The following NUGGC variants were observed in gnomAD, a reference collection of about 807,000 sequenced individuals.
NUGGC encodes the protein nuclear GTPase SLIP-GC.
In NUGGC, 58 loss-of-function variants were observed where a neutral mutation model predicts 92.6. That is an observed-to-expected ratio of 0.63 (90% confidence interval 0.51 to 0.78). The LOEUF (loss-of-function observed/expected upper bound fraction) is 0.78, where lower values mean the gene tolerates loss of function less well. Ranked by LOEUF, NUGGC falls within the 30% of genes least tolerant of loss-of-function variation. NUGGC has a pLI of 0.00. For missense variants in NUGGC, 925 were observed against 964.6 expected (o/e 0.96, Z 0.54); for synonymous variants, 376 against 366.4 (o/e 1.03, Z -0.30).
intron 16 of NUGGC, 78 bp downstream of exon 16, chr8:28,030,232 G>A (rs1809380264): frequency 1.3e-6 from 1 of 780,566 alleles, no homozygotes; most frequent in East Asian, 2.7e-5. Context: ...GCCTTTGAGG[G>A]AGCCGCAGAA....
At chr8:28,072,357 T>C (rs1006260796) in intron 2 of NUGGC, among the ~76,000 whole-genome samples, 1 of 152,214 alleles carries the variant, frequency 6.6e-6, no homozygotes, top group Non-Finnish European at 1.5e-5. Flanking sequence ...GTCAGGCCCC[T>C]AGGCCAGCTA....
intron 4 of NUGGC, 97 bp downstream of exon 4, chr8:28,069,446 TA>T: frequency 1.5e-6 from 1 of 652,364 alleles, no homozygotes; most frequent in Admixed American, 2.7e-5. Context: ...TCTTAGTTTC[TA>T]ATTAAATAGT....
Position 28,029,282 on chromosome 8 carries a change from T to C in NUGGC, c.2138A>G (p.Gln713Arg), listed in dbSNP as rs747619885. ...ATAGAGTACCTTCAGCTGCTGAAAC[T>C]GGTGCTGCATCCTTTCCTGGGCCCT... ...FERAQERMQH[Q>R]FQQLKTGIVE... is the part of the protein sequence containing the mutation. The change falls in exon 17 of 19, where the codon CAG becomes CGG. Residue 713 changes from glutamine (Q) to arginine (R), a missense_variant. Gln to Arg is a conservative substitution (Grantham distance 43). Transcript: ENST00000413272. 6.2e-7 allele frequency: 1 copy of C among 1,606,328 alleles called. No individual in the cohort carries two copies. Among genetic ancestry groups the C allele is most frequent in the Non-Finnish European group, 8.5e-7 (1 of 1,176,412 alleles).
intron 5 of NUGGC, 85 bp downstream of exon 5, chr8:28,068,131 A>G (rs903395288): frequency 2.6e-6 from 2 of 763,488 alleles, no homozygotes; most frequent in South Asian, 1.7e-5. Flanking sequence ...AGGAAGGAAG[A>G]AAGAAAGGAA....
chr8:28,027,521 T>C (rs568736040), intron 17 of NUGGC, among the ~76,000 whole-genome samples: 15 of 152,338 alleles, frequency 9.8e-5, no homozygotes, highest in African/African-American at 2.9e-4. Context: ...TCTTCCCAAC[T>C]GCCTGAGAAG....
At chr8:28,079,932 T>TTTTGTTTGTTTG (rs10689963) in intron 1 of NUGGC, among the ~76,000 whole-genome samples, 4 of 150,830 alleles carry the variant, frequency 2.7e-5, no homozygotes, top group African/African-American at 9.8e-5. Flanking sequence ...TTCTTTGTTT[T>TTTTGTTTGTTTG]TTTGTTTGTT....
At chr8:28,030,199 G>C in intron 16 of NUGGC, 111 bp downstream of exon 16, 1 of 672,236 alleles carries the variant, frequency 1.5e-6, no homozygotes. Flanking sequence ...GTGCTGCAAA[G>C]TCTTAGGGTG....
At chr8:28,069,338 G>T (rs1189155863) in intron 4 of NUGGC, among the ~76,000 whole-genome samples, 18 of 152,258 alleles carry the variant, frequency 1.2e-4, no homozygotes, top group African/African-American at 4.3e-4. Context: ...TGGGTTAAAT[G>T]ATATTTGACA....
intron 10 of NUGGC, among the ~76,000 whole-genome samples, chr8:28,055,553 C>A (rs1397568851): frequency 6.6e-6 from 1 of 152,198 alleles, no homozygotes; most frequent in East Asian, 1.9e-4. Flanking sequence ...TGAGTTAAAT[C>A]CAAACTGTCT....
At chr8:28,082,098 C>T (rs1585611575) in intron 1 of NUGGC, among the ~76,000 whole-genome samples, 1 of 152,180 alleles carries the variant, frequency 6.6e-6, no homozygotes, top group Non-Finnish European at 1.5e-5. Context: ...CACTGCTCTT[C>T]CAAACTAGGG....
intron 1 of NUGGC, among the ~76,000 whole-genome samples, chr8:28,082,932 C>T (rs1810886042): frequency 6.6e-6 from 1 of 152,136 alleles, no homozygotes; most frequent in South Asian, 2.1e-4. Flanking sequence ...CCAAAATTCA[C>T]TTAAGCAAAC....
At position 28,068,242 on chromosome 8, in the gene NUGGC, C is replaced by T; in HGVS notation, c.454G>A (p.Ala152Thr). The T allele has an allele frequency of 2.6e-6, 4 of 1,550,022 alleles. No homozygotes were observed. In the East Asian group the frequency reaches 7.3e-5, roughly 28 times the overall value. ...VSSGCCVQYE[A>T]KIHLLSDQEW... Reference sequence around the variant, plus strand: ...TGGTCAGACAGAAGGTGGATTTTGGCCTCATACTGCACACAGCAGCCAGAG... The same window carrying T: ...TGGTCAGACAGAAGGTGGATTTTGGTCTCATACTGCACACAGCAGCCAGAG... The change falls in exon 5 of 19, where the codon GCC becomes ACC. Residue 152 changes from alanine to threonine, a missense_variant. By Grantham distance (58) the Ala-to-Thr change is moderately conservative (BLOSUM62 0). Coordinates refer to ENST00000413272, the MANE Select transcript of NUGGC (RefSeq NM_001010906.2).
Position 28,060,515 on chromosome 8 carries a change from C to G in NUGGC, c.1008G>C (p.Glu336Asp). The change falls in exon 8 of 19, where the codon GAG becomes GAC. Residue 336 changes from glutamate to aspartate, a missense_variant. Glu to Asp is a conservative substitution (Grantham distance 45). Coordinates refer to ENST00000413272, the MANE Select transcript of NUGGC (RefSeq NM_001010906.2). ...AGCCCCGCTGGCAGGCTTTGATGCTCTCATTCAGAAGGTCTTCGTGGGCTT... is the reference window on the plus strand; with the variant it reads ...AGCCCCGCTGGCAGGCTTTGATGCTGTCATTCAGAAGGTCTTCGTGGGCTT... ...GGQAHEDLLN[E>D]SIKACQRGFC... 6.2e-7 allele frequency: 1 copy of G among 1,613,922 alleles called. No homozygotes were observed. Among genetic ancestry groups the G allele is most frequent in the South Asian group, 1.1e-5 (1 of 91,052 alleles).
rs1563226319 is a variant in NUGGC at position 28,060,461 on chromosome 8, G to T, written c.1062C>A (p.Thr354=). 1.2e-6 allele frequency: 2 copies of T among 1,613,840 alleles called. No individual in the cohort carries two copies. Among genetic ancestry groups the T allele is most frequent in the East Asian group, 4.5e-5 (2 of 44,880 alleles). Residue 354 remains threonine (T), a synonymous_variant, in exon 8 of 19, where the codon ACC becomes ACA. Transcript: ENST00000413272. ...CTGGCAAGTGGAGTTTGTCCATCTT[G>T]GTGACCACCAGGGCCACGTCCCTAC... The part of the protein sequence containing the change: ...GFCRDVALVV[T]KMDKLHLPEY...
rs779279529 is a variant in NUGGC at position 28,027,036 on chromosome 8, T to C, written c.2171A>G (p.Lys724Arg). 5 of 1,612,694 alleles carry C rather than the reference T, an allele frequency of 3.1e-6. No individual in the cohort carries two copies. The highest frequency in any genetic ancestry group is 4.2e-6 in the Non-Finnish European group (5 of 1,178,790). ...CATAGTGGTGATGCTGCCCTTCACC[T>C]TCTCCACGATTCCAGTCTATGCAAC... is the stretch of plus-strand genomic sequence containing the variant. Reference protein sequence around the residue: ...FQQLKTGIVEKVKGSITTMLA... With the variant: ...FQQLKTGIVERVKGSITTMLA... Residue 724 changes from lysine (K) to arginine (R), a missense_variant, in exon 18 of 19, where the codon AAG (lysine) becomes AGG (arginine). By Grantham distance (26) the Lys-to-Arg change is conservative. Coordinates refer to ENST00000413272, the MANE Select transcript of NUGGC (RefSeq NM_001010906.2).
At chr8:28,031,153 A>C in intron 15 of NUGGC, 90 bp downstream of exon 15, 2 of 1,411,622 alleles carry the variant, frequency 1.4e-6, no homozygotes, top group Non-Finnish European at 2.0e-6. Flanking sequence ...ACTCCAGGGA[A>C]CAAGGGAACA....
intron 1 of NUGGC, among the ~76,000 whole-genome samples, chr8:28,080,998 A>T (rs1810835660): frequency 6.6e-6 from 1 of 150,648 alleles, no homozygotes; most frequent in Admixed American, 6.6e-5. Flanking sequence ...TATAGGATAG[A>T]ATTGGTTTTA....
intron 7 of NUGGC, among the ~76,000 whole-genome samples, chr8:28,061,915 A>G (rs1007379640): frequency 2.6e-5 from 4 of 152,090 alleles, no homozygotes; most frequent in African/African-American, 9.7e-5. Context: ...AGTTTGAGAA[A>G]CCCTGATCCA....
At chr8:28,046,229 C>T (rs1809830225) in intron 11 of NUGGC, among the ~76,000 whole-genome samples, 1 of 152,158 alleles carries the variant, frequency 6.6e-6, no homozygotes, top group Non-Finnish European at 1.5e-5. Context: ...ATTATTCCTT[C>T]CATATACCAT....
Sources: gnomAD v4.1 joint callset for allele counts (sites outside exome capture counted in the v4.1 genomes callset) on GRCh38, gnomAD v4.1.1 for gene constraint, MANE v1.5 for transcripts, NCBI Gene and HGNC (gene_info 2026-07-23, HGNC 2026-07-21) for gene names.